OPCML: variants seen among roughly 807,000 people sequenced by gnomAD.
The protein encoded by OPCML is opioid-binding protein/cell adhesion molecule.
Under a neutral mutation model 37.8 loss-of-function variants are expected in OPCML, and 13 were observed. That is an observed-to-expected ratio of 0.34 (90% CI 0.22 to 0.55). The LOEUF is 0.55. OPCML is among the 20% of genes least tolerant of loss of function. The probability of loss-of-function intolerance (pLI) is 0.91; values close to 1 mark genes in which losing one functional copy is unlikely to be tolerated. For missense variants in OPCML, 341 were observed against 435.6 expected (o/e 0.78, Z 1.93); for synonymous variants, 176 against 168.8 (o/e 1.04, Z -0.33).
chr11:133,250,670 T>C (rs1404494783), intron 1 of OPCML, among the ~76,000 whole-genome samples: 1 of 152,182 alleles, frequency 6.6e-6, no homozygotes, highest in East Asian at 1.9e-4. Flanking sequence ...ATCTTAATCT[T>C]AGCTGTATTA....
intron 2 of OPCML, among the ~76,000 whole-genome samples, chr11:132,897,063 G>C (rs1943878161): frequency 6.6e-6 from 1 of 152,214 alleles, no homozygotes; most frequent in African/African-American, 2.4e-5. Flanking sequence ...CAGAACAGAA[G>C]GCTCTACAGC....
intron 4 of OPCML, among the ~76,000 whole-genome samples, chr11:132,518,475 T>A (rs1427099892): frequency 1.3e-5 from 2 of 152,216 alleles, no homozygotes; most frequent in Non-Finnish European, 2.9e-5. Flanking sequence ...CTGCTTTCTA[T>A]GCATTCAAGA....
rs57040174 is a variant in OPCML, at chr11:133,445,429, T to C, written c.61+86835A>G. Among the ~76,000 whole-genome samples the C allele has an allele frequency of 9.9e-3, 1,507 of 152,334 alleles. 18 individuals carry two copies. The highest frequency in any genetic ancestry group is 0.034 in the African/African-American group (1,413 of 41,572). On this transcript the variant is annotated intron_variant, in intron 1 of 7. Coordinates refer to ENST00000524381, the MANE Select transcript of OPCML (RefSeq NM_001012393.5). ...TAAACATAATCCCAGACCAATTTTC[T>C]CTTCTGTGAGTAGAAGTAATAATGG...
At chr11:133,253,589 G>A (rs904181763) in intron 1 of OPCML, among the ~76,000 whole-genome samples, 9 of 152,128 alleles carry the variant, frequency 5.9e-5, no homozygotes, top group Admixed American at 1.3e-4. Flanking sequence ...GGATTATAGC[G>A]TGAGCCAACA....
At chr11:132,720,159 A>C (rs1388850583) in intron 2 of OPCML, among the ~76,000 whole-genome samples, 1 of 152,224 alleles carries the variant, frequency 6.6e-6, no homozygotes, top group Non-Finnish European at 1.5e-5. Flanking sequence ...CCCATGCGAG[A>C]GAGACTGCAC....
rs569883500 is a variant in OPCML, at chr11:133,437,971, GA to G, written c.61+94292del. On this transcript the variant is annotated intron_variant, in intron 1 of 7. Transcript: ENST00000524381. Reference sequence around the variant, plus strand: ...TTTTGCCATCCATAAATACTTCAGGGAAAAAAATATATATAAGGAAAATCCC... The same window carrying G: ...TTTTGCCATCCATAAATACTTCAGGGAAAAAATATATATAAGGAAAATCCC... Among the ~76,000 whole-genome samples, 16 of 151,100 alleles carry G rather than the reference GA, an allele frequency of 1.1e-4. No individual in the cohort carries two copies. The South Asian group carries it at 2.3e-3, about 22-fold the overall frequency.
intron 4 of OPCML, among the ~76,000 whole-genome samples, chr11:132,523,502 CA>C (rs2096299689): frequency 6.9e-6 from 1 of 145,676 alleles, no homozygotes; most frequent in Admixed American, 6.9e-5. Flanking sequence ...GATTCTTGCT[CA>C]AGACAAATTA....
intron 1 of OPCML, among the ~76,000 whole-genome samples, chr11:133,231,704 T>G (rs12417381): frequency 4.0e-4 from 61 of 151,940 alleles, no homozygotes; most frequent in African/African-American, 1.5e-3. Flanking sequence ...TTGGGCAGTA[T>G]GCATAACCTC....
chr11:133,155,183 C>T (rs866783362), intron 1 of OPCML, among the ~76,000 whole-genome samples: 1 of 152,280 alleles, frequency 6.6e-6, no homozygotes, highest in Middle Eastern at 3.4e-3. Flanking sequence ...TACTTGCCTC[C>T]ATCCCTGCTT....
At chr11:133,422,707 C>T (rs1024011349) in intron 1 of OPCML, 4 of 983,764 alleles carry the variant, frequency 4.1e-6, no homozygotes, top group Non-Finnish European at 4.8e-6. Context: ...TATGCAAACA[C>T]TCTCAAACTT....
chr11:133,285,100 G>C (rs1233369287), intron 1 of OPCML, among the ~76,000 whole-genome samples: 1 of 152,162 alleles, frequency 6.6e-6, no homozygotes, highest in Non-Finnish European at 1.5e-5. Context: ...ATGAGGAAGG[G>C]AAATAAGGAG....
chr11:132,720,360 C>T (rs914421564), intron 2 of OPCML, among the ~76,000 whole-genome samples: 1 of 152,214 alleles, frequency 6.6e-6, no homozygotes, highest in Non-Finnish European at 1.5e-5. Flanking sequence ...AAAGGGCCTC[C>T]TATGGCCTGC....
At chr11:133,207,944 GT>G (rs1273410039) in intron 1 of OPCML, among the ~76,000 whole-genome samples, 1 of 152,106 alleles carries the variant, frequency 6.6e-6, no homozygotes, top group Non-Finnish European at 1.5e-5. Context: ...TTCATGCTGT[GT>G]TTTTGCCTGA....
intron 2 of OPCML, among the ~76,000 whole-genome samples, chr11:132,680,055 T>C (rs1054779142): frequency 6.6e-6 from 1 of 152,200 alleles, no homozygotes; most frequent in Non-Finnish European, 1.5e-5. Flanking sequence ...CCCACATGTA[T>C]TCCAGAATGT....
chr11:133,053,739 G>C (rs1171994021), intron 1 of OPCML, among the ~76,000 whole-genome samples: 1 of 152,068 alleles, frequency 6.6e-6, no homozygotes, highest in Non-Finnish European at 1.5e-5. Flanking sequence ...TCCTCATCCA[G>C]ATCAGCTCTC....
At chr11:133,369,695 A>G (rs1415231399) in intron 1 of OPCML, among the ~76,000 whole-genome samples, 1 of 152,076 alleles carries the variant, frequency 6.6e-6, no homozygotes, top group East Asian at 1.9e-4. Context: ...TGTACCATTC[A>G]CCATACACAC....
intron 2 of OPCML, among the ~76,000 whole-genome samples, chr11:132,764,466 C>T (rs558623936): frequency 1.9e-4 from 29 of 152,286 alleles, no homozygotes; most frequent in African/African-American, 3.6e-4. Context: ...TGGTTTTAGA[C>T]GTTATTTTCC....
chr11:133,204,888 A>ATATAT (rs1555114227), intron 1 of OPCML, among the ~76,000 whole-genome samples: 3 of 129,128 alleles, frequency 2.3e-5, no homozygotes, highest in East Asian at 5.3e-4. Context: ...ATATATATAT[A>ATATAT]TATATATATA....
At chr11:132,590,418 C>G (rs2096482475) in intron 3 of OPCML, among the ~76,000 whole-genome samples, 1 of 152,106 alleles carries the variant, frequency 6.6e-6, no homozygotes, top group Non-Finnish European at 1.5e-5. Context: ...AAATGGATGT[C>G]TGAAGCAGAT....
Sources: gnomAD v4.1 joint callset for allele counts (sites outside exome capture counted in the v4.1 genomes callset) on GRCh38, gnomAD v4.1.1 for gene constraint, MANE v1.5 for transcripts, NCBI Gene and HGNC (gene_info 2026-07-23, HGNC 2026-07-21) for gene names.